Variants in PLB1 observed in about 807,000 individuals in gnomAD.
PLB1 encodes the protein phospholipase B1, membrane-associated.
A neutral mutation model predicts 227.4 loss-of-function variants in PLB1; 242 were observed. The ratio of observed to expected loss-of-function variants is 1.06; its 90% confidence interval spans 0.96 to 1.18. PLB1 has a LOEUF of 1.18. Among genes scored for constraint, PLB1 ranks in the 50% most tolerant of loss-of-function variants. PLB1 has a pLI of 0.00. For missense variants in PLB1, 1,858 were observed against 1,816.3 expected, an observed-to-expected ratio of 1.02 and a Z score of -0.42; for synonymous variants, 757 against 682.2, an observed-to-expected ratio of 1.11 and a Z score of -1.71.
chr2:28,632,220 G>GGT, intron 55 of PLB1, 80 bp downstream of exon 55: 1 of 1,078,376 alleles, frequency 9.3e-7, no homozygotes, highest in South Asian at 1.5e-5. Context: ...CTCTAAGTGG[G>GGT]CTTTTTTTTT....
rs57787583 is a variant in PLB1 at position 28,567,469 on chromosome 2, CTTTTTTTT to C, written c.1324+644_1324+651del. On this transcript the variant is annotated intron_variant, in intron 20 of 57. Transcript: ENST00000327757. Reference sequence around the variant, plus strand: ...AACCTGCTCGGAATGATTTCTTTCTCTTTTTTTTTTTTTTTTTTTTTGAGATGGAGTCT... The same window carrying C: ...AACCTGCTCGGAATGATTTCTTTCTCTTTTTTTTTTTTTGAGATGGAGTCT... 2.1e-4 allele frequency among the ~76,000 whole-genome samples: 23 copies of C among 108,074 alleles called. 1 individual carries two copies. The Admixed American group carries it at 2.2e-3, about 10-fold the overall frequency. 70.9% of individuals were successfully genotyped at this position (108,074 alleles called of 152,430 possible). A position where few individuals can be genotyped will look rare whatever the true frequency, so the allele number is the denominator to read the frequency against.
chr2:28,640,976 G>A lies in PLB1; in HGVS notation c.4148G>A (p.Arg1383Gln), dbSNP rs372633029. The A allele has an allele frequency of 1.1e-5, 18 of 1,613,684 alleles. No homozygotes were observed. The highest frequency in any genetic ancestry group is 5.5e-5 in the South Asian group (5 of 91,012). The change falls in exon 57 of 58, where the codon CGA (arginine) becomes CAA (glutamine). Residue 1383 changes from arginine to glutamine, a missense_variant. Coordinates refer to ENST00000327757, the MANE Select transcript of PLB1 (RefSeq NM_153021.5). Reference protein sequence around the residue: ...KTTSNNFTHSRAKLKCPSPES... With the variant: ...KTTSNNFTHSQAKLKCPSPES... ...ACCTCCAACAACTTCACCCACAGCC[G>A]AGCCAAACTCAAGTGCCCCTCTCCT...
At position 28,601,320 on chromosome 2, in the gene PLB1, C is replaced by G. The variant is rs1398537049; in HGVS notation, c.2595C>G (p.Tyr865Ter). 1 of 1,613,926 alleles carries G rather than the reference C, an allele frequency of 6.2e-7. No homozygotes were observed. Among genetic ancestry groups the G allele is most frequent in the Non-Finnish European group, 8.5e-7 (1 of 1,179,932 alleles). The change falls in exon 37 of 58, where the codon TAC becomes TAG. Residue 865 changes from tyrosine to a stop codon, truncating the protein, a stop_gained. Transcript: ENST00000327757. LOFTEE classifies it high-confidence loss of function. ...TCGGAGGCAGCGATTTATGTGACTA[C>G]TGCACAGATTCGGTAATTGGGGCCA... The part of the protein sequence containing the change: ...VLIGGSDLCD[Y>*]CTDSNLYSAA...
At chr2:28,604,593 G>T (rs1385093189) in intron 40 of PLB1, 62 bp from the exon 41 acceptor site, 2 of 1,392,512 alleles carry the variant, frequency 1.4e-6, no homozygotes, top group Non-Finnish European at 2.0e-6. Context: ...CCCTACTCTT[G>T]CCTCACTGGG....
intron 14 of PLB1, among the ~76,000 whole-genome samples, chr2:28,546,413 C>T (rs551749064): frequency 3.9e-5 from 6 of 152,210 alleles, no homozygotes; most frequent in East Asian, 3.9e-4. Flanking sequence ...TTCTGCTGCT[C>T]GGAGAGGATT....
At chr2:28,533,759 C>A (rs1671322987) in intron 9 of PLB1, among the ~76,000 whole-genome samples, 2 of 152,138 alleles carry the variant, frequency 1.3e-5, no homozygotes, top group South Asian at 4.1e-4. Context: ...AATGATTTTT[C>A]CATATACTTC....
intron 43 of PLB1, among the ~76,000 whole-genome samples, chr2:28,611,419 C>A (rs2148314532): frequency 6.6e-6 from 1 of 152,282 alleles, no homozygotes; most frequent in African/African-American, 2.4e-5. Context: ...GTCTGGGCTC[C>A]TTTGACGTGC....
At position 28,529,385 on chromosome 2, in the gene PLB1, G is replaced by A; in HGVS notation, c.394G>A (p.Val132Ile). ...PMPVCHTGKR[V>I]IPHDGAEDLW... ...GCCTGTGTGCCACACTGGAAAGAGA[G>A]TCATACCCCACGATGGTGCTGAGTA... The change falls in exon 7 of 58, where the codon GTC becomes ATC. Residue 132 changes from valine (V) to isoleucine (I), a missense_variant. Coordinates refer to ENST00000327757, the MANE Select transcript of PLB1 (RefSeq NM_153021.5). The A allele has an allele frequency of 6.2e-7, 1 of 1,607,020 alleles. No individual in the cohort carries two copies. Among genetic ancestry groups the A allele is most frequent in the Non-Finnish European group, 8.5e-7 (1 of 1,173,502 alleles).
At chr2:28,626,395 A>C in intron 50 of PLB1, 33 bp from the exon 51 acceptor site, 3 of 1,585,482 alleles carry the variant, frequency 1.9e-6, no homozygotes, top group African/African-American at 1.3e-5. Flanking sequence ...GCCTCCCACC[A>C]AGGCCTAAAC....
At position 28,632,079 on chromosome 2, in the gene PLB1, G is replaced by A. The variant is rs144657051; in HGVS notation, c.3941G>A (p.Arg1314His). The A allele has an allele frequency of 8.1e-5, 131 of 1,614,150 alleles. No individual in the cohort carries two copies. In the African/African-American group the frequency reaches 9.6e-4, roughly 12 times the overall value. ...TCCTACTGGCACCAATACACACAGC[G>A]TGAGGACTTTGCGGTTGTGGTGCAG... ...SFSYWHQYTQ[R>H]EDFAVVVQPF... The change falls in exon 55 of 58, where the codon CGT becomes CAT. Residue 1314 changes from arginine to histidine, a missense_variant. Physicochemically the swap from Arg to His is conservative, Grantham distance 29. Transcript: ENST00000327757.
At chr2:28,597,676 C>T (rs1236787850) in intron 33 of PLB1, among the ~76,000 whole-genome samples, 1 of 152,204 alleles carries the variant, frequency 6.6e-6, no homozygotes, top group African/African-American at 2.4e-5. Flanking sequence ...GACATAGTCA[C>T]ATCTACATCA....
chr2:28,601,786 G>A, intron 37 of PLB1, 113 bp from the exon 38 acceptor site: 1 of 881,362 alleles, frequency 1.1e-6, no homozygotes, highest in Non-Finnish European at 1.9e-6. Context: ...ACAGCTGGAG[G>A]CTAGAGGGGG....
intron 17 of PLB1, among the ~76,000 whole-genome samples, chr2:28,562,540 C>CAAAAAAAAAAAAAAAAAA (rs60393903): frequency 0.018 from 785 of 42,542 alleles, 225 homozygotes; most frequent in Middle Eastern, 0.056. Flanking sequence ...GACTCTGTCT[C>CAAAAAAAAAAAAAAAAAA]AAAAAAAAAA....
At position 28,568,091 on chromosome 2, in the gene PLB1, G is replaced by C. The variant is rs1354019360; in HGVS notation, c.1324+1252G>C. ...AGCAGACTTCACTTTATCTGTTTTGGTTATTTGTAAATCCTGTCGAATTTA... is the reference window on the plus strand; with the variant it reads ...AGCAGACTTCACTTTATCTGTTTTGCTTATTTGTAAATCCTGTCGAATTTA... On this transcript the variant is annotated intron_variant, in intron 20 of 57. Coordinates refer to ENST00000327757, the MANE Select transcript of PLB1 (RefSeq NM_153021.5). Among the ~76,000 whole-genome samples the C allele has an allele frequency of 6.6e-5, 10 of 152,188 alleles. No homozygotes were observed. In the South Asian group the frequency reaches 1.5e-3, roughly 22 times the overall value.
At chr2:28,625,659 G>A (rs1299609803) in intron 50 of PLB1, among the ~76,000 whole-genome samples, 1 of 152,084 alleles carries the variant, frequency 6.6e-6, no homozygotes, top group Non-Finnish European at 1.5e-5. Context: ...TCTTCCTCCA[G>A]TCTCCTTCCC....
intron 43 of PLB1, among the ~76,000 whole-genome samples, 157 bp from the exon 44 acceptor site, chr2:28,613,874 G>A (rs963020760): frequency 6.6e-6 from 1 of 152,132 alleles, no homozygotes; most frequent in Non-Finnish European, 1.5e-5. Flanking sequence ...AAACCCTCCG[G>A]GGGAATGAAT....
At chr2:28,545,117 G>A (rs1347232237) in intron 14 of PLB1, among the ~76,000 whole-genome samples, 1 of 152,158 alleles carries the variant, frequency 6.6e-6, no homozygotes. Context: ...CACAGGAATG[G>A]AAGGTCTCAC....
chr2:28,513,859 G>T (rs1349128333), intron 1 of PLB1, among the ~76,000 whole-genome samples: 1 of 152,148 alleles, frequency 6.6e-6, no homozygotes, highest in African/African-American at 2.4e-5. Context: ...AGTAAACTCT[G>T]GACCCAGCCC....
chr2:28,624,978 C>T, intron 49 of PLB1, 79 bp from the exon 50 acceptor site: 1 of 1,370,016 alleles, frequency 7.3e-7, no homozygotes, highest in Non-Finnish European at 1.0e-6. Flanking sequence ...AAACACCTCT[C>T]TTCCTAGGCC....
Sources: gnomAD v4.1 joint callset for allele counts (sites outside exome capture counted in the v4.1 genomes callset) on GRCh38, gnomAD v4.1.1 for gene constraint, MANE v1.5 for transcripts, NCBI Gene and HGNC (gene_info 2026-07-23, HGNC 2026-07-21) for gene names.